CNTN4: variants seen among roughly 807,000 people sequenced by gnomAD.
CNTN4 encodes contactin-4.
A neutral mutation model predicts 122.5 loss-of-function variants in CNTN4; 77 were observed. The observed-to-expected ratio is 0.63, with a 90% CI of 0.52 to 0.76. The LOEUF is 0.76. CNTN4 is among the 30% of genes least tolerant of loss of function. CNTN4 has a pLI of 0.00. For synonymous variants in CNTN4, 512 were observed against 447.0 expected (o/e 1.15, Z -1.83); for missense variants, 1,256 against 1,259.1 (o/e 1.00, Z 0.04).
In CNTN4 at chr3:3,036,505, G is replaced by A. The variant is rs1699617904; in HGVS notation, c.1943-674G>A. Among the ~76,000 whole-genome samples, 7 of 152,192 alleles carry A rather than the reference G, an allele frequency of 4.6e-5. 1 individual carries two copies. The South Asian group carries it at 1.5e-3, about 32-fold the overall frequency. On this transcript the variant is annotated intron_variant, in intron 17 of 24. Transcript: ENST00000418658. ...AGGCCAGGCGCAGTGGCTCACAACT[G>A]TCATCCCAGCACTTTGATAGGCCAA...
At chr3:2,955,945 A>T (rs2124925391) in intron 13 of CNTN4, among the ~76,000 whole-genome samples, 1 of 152,320 alleles carries the variant, frequency 6.6e-6, no homozygotes, top group Middle Eastern at 3.4e-3. Flanking sequence ...ACTTGTAGAG[A>T]TTACTCCAGA....
At chr3:2,669,608 T>G (rs1265575395) in intron 4 of CNTN4, among the ~76,000 whole-genome samples, 1 of 152,218 alleles carries the variant, frequency 6.6e-6, no homozygotes, top group African/African-American at 2.4e-5. Context: ...TCTGCTCTGA[T>G]CTTAGTTATT....
intron 2 of CNTN4, among the ~76,000 whole-genome samples, chr3:2,124,831 A>T (rs1163428821): frequency 6.6e-6 from 1 of 152,234 alleles, no homozygotes; most frequent in Non-Finnish European, 1.5e-5. Flanking sequence ...ATCTACACAG[A>T]TTTAATGTAT....
At position 2,233,648 on chromosome 3, in the gene CNTN4, C is replaced by T. The variant is rs956896744; in HGVS notation, c.-144-105530C>T. Among the ~76,000 whole-genome samples, 6 of 151,978 alleles carry T rather than the reference C, an allele frequency of 3.9e-5. No individual in the cohort carries two copies. The South Asian group carries it at 1.0e-3, about 26-fold the overall frequency. On this transcript the variant is annotated intron_variant, in intron 2 of 24. Transcript: ENST00000418658. ...TTGGTGCTAATTTCAGTGTCCACCC[C>T]CTCACCCCCAATTGAACCGTTTAAC...
intron 2 of CNTN4, among the ~76,000 whole-genome samples, chr3:2,124,448 A>G (rs1472809174): frequency 2.0e-5 from 3 of 147,988 alleles, no homozygotes; most frequent in Admixed American, 1.4e-4. Flanking sequence ...ACACACACAC[A>G]CACACACACA....
chr3:2,485,577 A>G (rs186700685), intron 3 of CNTN4, among the ~76,000 whole-genome samples: 17 of 152,054 alleles, frequency 1.1e-4, no homozygotes, highest in African/African-American at 4.1e-4. Context: ...GTCTAGTTCA[A>G]GGTTTGTAAA....
At chr3:2,857,031 G>A (rs1269429827) in intron 7 of CNTN4, among the ~76,000 whole-genome samples, 2 of 152,158 alleles carry the variant, frequency 1.3e-5, no homozygotes, top group African/African-American at 4.8e-5. Context: ...ACAGATGACG[G>A]TGAGACAAAA....
chr3:2,886,998 T>G lies in CNTN4; in HGVS notation c.756-42T>G, dbSNP rs1344777499. On this transcript the variant is annotated intron_variant, in intron 9 of 24. Coordinates refer to ENST00000418658, the MANE Select transcript of CNTN4 (RefSeq NM_175607.3). ...GTTTAGGTTCAGATAAAAGGTCCAG[T>G]TTTCTCTAGTTTGATTCACTCCTTT... 2.5e-6 allele frequency: 4 copies of G among 1,573,850 alleles called. No individual in the cohort carries two copies. The South Asian group carries it at 4.5e-5, about 18-fold the overall frequency.
At chr3:2,212,696 CTTTAA>C (rs2038675150) in intron 2 of CNTN4, among the ~76,000 whole-genome samples, 1 of 152,208 alleles carries the variant, frequency 6.6e-6, no homozygotes, top group African/African-American at 2.4e-5. Context: ...TTTAAATAAA[CTTTAA>C]TTTAGTTTAA....
chr3:2,447,265 T>G (rs1027558566), intron 3 of CNTN4, among the ~76,000 whole-genome samples: 1 of 152,178 alleles, frequency 6.6e-6, no homozygotes, highest in Admixed American at 6.5e-5. Context: ...TGTAACAGAT[T>G]CCAAGTACAT....
At chr3:2,594,231 T>A (rs76655353) in intron 4 of CNTN4, among the ~76,000 whole-genome samples, 1 of 444 alleles carries the variant, frequency 2.3e-3, no homozygotes, top group Non-Finnish European at 0.25. Context: ...GAGAAACTGG[T>A]TTTTTTTTGA....
chr3:2,445,394 AT>A (rs1464149214), intron 3 of CNTN4, among the ~76,000 whole-genome samples: 10 of 87,264 alleles, frequency 1.1e-4, no homozygotes, highest in Non-Finnish European at 1.9e-4. Flanking sequence ...GCTATTTTTA[AT>A]TCTTTGATAA....
At chr3:2,902,379 C>G (rs1489611390) in intron 11 of CNTN4, among the ~76,000 whole-genome samples, 2 of 152,066 alleles carry the variant, frequency 1.3e-5, no homozygotes, top group Non-Finnish European at 2.9e-5. Flanking sequence ...CTATTAATAC[C>G]TACATTTTTT....
At chr3:2,783,854 T>C (rs555310233) in intron 6 of CNTN4, among the ~76,000 whole-genome samples, 1 of 152,360 alleles carries the variant, frequency 6.6e-6, no homozygotes, top group Non-Finnish European at 1.5e-5. Flanking sequence ...TGAATGTTCA[T>C]GATGAATCCG....
chr3:2,574,446 C>G (rs1421384821), intron 4 of CNTN4, among the ~76,000 whole-genome samples: 3 of 152,208 alleles, frequency 2.0e-5, no homozygotes, highest in African/African-American at 7.2e-5. Flanking sequence ...GCAGGCTCAT[C>G]CTGCAAGGGA....
At chr3:2,731,407 T>C (rs1482000681) in intron 4 of CNTN4, among the ~76,000 whole-genome samples, 2 of 152,280 alleles carry the variant, frequency 1.3e-5, no homozygotes, top group African/African-American at 2.4e-5. Context: ...TAGTGACTGA[T>C]TGGCAGGTAC....
chr3:2,921,997 T>C (rs1315395422), intron 12 of CNTN4, among the ~76,000 whole-genome samples: 1 of 152,192 alleles, frequency 6.6e-6, no homozygotes, highest in Non-Finnish European at 1.5e-5. Context: ...AAAGTTGCAT[T>C]TCTCACATGG....
At chr3:2,507,748 A>G (rs2076772606) in intron 3 of CNTN4, among the ~76,000 whole-genome samples, 1 of 150,126 alleles carries the variant, frequency 6.7e-6, no homozygotes, top group African/African-American at 2.4e-5. Flanking sequence ...AAAAAAAAAA[A>G]AAGAAAGAAA....
rs576453945 is a variant in CNTN4 at position 2,627,564 on chromosome 3, G to A, written c.55+56006G>A. 1.3e-4 allele frequency among the ~76,000 whole-genome samples: 19 copies of A among 150,108 alleles called. 1 individual carries two copies. Among genetic ancestry groups the A allele is most frequent in the Non-Finnish European group, 2.7e-4 (18 of 67,756 alleles). On this transcript the variant is annotated intron_variant, in intron 4 of 24. Transcript: ENST00000418658. ...GCTGGAGTGTAGTAGCGCAATCTCG[G>A]CTCACTGCAAGCTCCGCCTCCTGGG...
Sources: gnomAD v4.1 joint callset for allele counts (sites outside exome capture counted in the v4.1 genomes callset) on GRCh38, gnomAD v4.1.1 for gene constraint, MANE v1.5 for transcripts, NCBI Gene and HGNC (gene_info 2026-07-23, HGNC 2026-07-21) for gene names.